The following PLSCR2 variants were observed in gnomAD, a reference collection of about 807,000 sequenced individuals.
PLSCR2 encodes PL scramblase 2.
A neutral mutation model predicts 25.3 loss-of-function variants in PLSCR2; 18 were observed. That is an observed-to-expected ratio of 0.71 (90% confidence interval 0.49 to 1.06). The LOEUF (loss-of-function observed/expected upper bound fraction) is 1.06, where lower values mean the gene tolerates loss of function less well. Ranked by LOEUF, PLSCR2 falls within the 50% of genes least tolerant of loss-of-function variation. The probability of loss-of-function intolerance (pLI) is 0.00; values close to 1 mark genes in which losing one functional copy is unlikely to be tolerated. For missense variants in PLSCR2, 243 were observed against 269.5 expected (o/e 0.90, Z 0.69); for synonymous variants, 88 against 87.3 (o/e 1.01, Z -0.04).
intron 2 of PLSCR2, among the ~76,000 whole-genome samples, chr3:146,412,776 G>C (rs887945696): frequency 2.6e-5 from 4 of 152,116 alleles, no homozygotes; most frequent in Non-Finnish European, 5.9e-5. Context: ...GGCTAGGGTT[G>C]GACCGCACAG....
chr3:146,490,498 T>G (rs139016225), intron 1 of PLSCR2, among the ~76,000 whole-genome samples: 1 of 152,296 alleles, frequency 6.6e-6, no homozygotes, highest in East Asian at 1.9e-4. Context: ...TATCTAAGTC[T>G]CTTTGCAGAA....
exon 1 of PLSCR2, chr3:146,460,392 G>C (rs2041497580): frequency 5.7e-6 from 1 of 175,912 alleles, no homozygotes; most frequent in African/African-American, 2.4e-5. Flanking sequence ...GATCTAAAGT[G>C]ATCTATATGA....
chr3:146,399,733 T>C (rs2038394758), intron 2 of PLSCR2, among the ~76,000 whole-genome samples: 1 of 151,248 alleles, frequency 6.6e-6, no homozygotes. Flanking sequence ...TCTCTCTCTC[T>C]CTTTTTTTTT....
chr3:146,430,680 C>A (rs2039514859), downstream of PLSCR2, among the ~76,000 whole-genome samples: 1 of 152,134 alleles, frequency 6.6e-6, no homozygotes, highest in Admixed American at 6.5e-5. Context: ...TGATTTTCTG[C>A]AATTTAACTG....
At chr3:146,486,823 G>A (rs1311714179) in intron 1 of PLSCR2, among the ~76,000 whole-genome samples, 1 of 152,086 alleles carries the variant, frequency 6.6e-6, no homozygotes, top group East Asian at 1.9e-4. Context: ...TTAGGAGGCA[G>A]CGTAACCCTG....
At chr3:146,427,449 G>A (rs538375927) in intron 2 of PLSCR2, among the ~76,000 whole-genome samples, 15 of 152,198 alleles carry the variant, frequency 9.9e-5, no homozygotes, top group Admixed American at 3.9e-4. Context: ...GAAAGAGCAT[G>A]GATAAGATGG....
intron 1 of PLSCR2, among the ~76,000 whole-genome samples, chr3:146,471,038 TG>T (rs1210655788): frequency 1.4e-4 from 1 of 7,124 alleles, no homozygotes; most frequent in Admixed American, 1.5e-3. Context: ...ACAGTGTTTT[TG>T]TTTTTTTGTT....
intron 1 of PLSCR2, among the ~76,000 whole-genome samples, chr3:146,483,283 G>C (rs2043194619): frequency 1.4e-5 from 2 of 145,968 alleles, no homozygotes; most frequent in Admixed American, 6.9e-5. Context: ...TGGTGAACGG[G>C]GGGTGGGGGG....
At chr3:146,493,424 T>C (rs1183617162) in intron 1 of PLSCR2, among the ~76,000 whole-genome samples, 1 of 152,176 alleles carries the variant, frequency 6.6e-6, no homozygotes, top group Non-Finnish European at 1.5e-5. Context: ...ATCAAAAAGC[T>C]AATCCATCAT....
intron 2 of PLSCR2, among the ~76,000 whole-genome samples, chr3:146,397,405 G>A (rs910291801): frequency 6.6e-6 from 1 of 152,026 alleles, no homozygotes; most frequent in Non-Finnish European, 1.5e-5. Context: ...TTTTGTACCT[G>A]AGATGAACAC....
intron 1 of PLSCR2, among the ~76,000 whole-genome samples, chr3:146,469,780 A>G (rs980185772): frequency 1.1e-5 from 1 of 93,354 alleles, no homozygotes; most frequent in Non-Finnish European, 2.3e-5. Flanking sequence ...GACTGCACCC[A>G]CCCCCCCACG....
chr3:146,464,123 A>G (rs1306321541), upstream of PLSCR2: 1 of 201,280 alleles, frequency 5.0e-6, no homozygotes, highest in Non-Finnish European at 8.8e-6. Flanking sequence ...TCAGAAGAGT[A>G]GAAATATTAA....
At chr3:146,487,359 A>G (rs2043384098) in intron 1 of PLSCR2, among the ~76,000 whole-genome samples, 1 of 152,186 alleles carries the variant, frequency 6.6e-6, no homozygotes, top group South Asian at 2.1e-4. Flanking sequence ...TCAAATAGGA[A>G]GAGAGGAAGT....
At chr3:146,432,770 C>T (rs1273869754), downstream of PLSCR2, among the ~76,000 whole-genome samples, 1 of 152,126 alleles carries the variant, frequency 6.6e-6, no homozygotes, top group Non-Finnish European at 1.5e-5. Context: ...AGTTAAGCCA[C>T]AGAAACTATT....
downstream of PLSCR2, among the ~76,000 whole-genome samples, chr3:146,438,257 T>C (rs375402936): frequency 9.2e-5 from 14 of 152,216 alleles, no homozygotes; most frequent in East Asian, 3.8e-4. Context: ...TCTGTTGATC[T>C]GGGGTGGAGA....
chr3:146,479,849 C>G (rs894779761), intron 1 of PLSCR2, among the ~76,000 whole-genome samples: 2 of 152,176 alleles, frequency 1.3e-5, no homozygotes, highest in Non-Finnish European at 2.9e-5. Flanking sequence ...AAGCACTCCT[C>G]TGCAAATGTA....
chr3:146,436,289 GT>G (rs1364776597), intron 8 of PLSCR2, among the ~76,000 whole-genome samples: 1 of 152,234 alleles, frequency 6.6e-6, no homozygotes. Flanking sequence ...CTTTAAAGTA[GT>G]TTTTTCCAAT....
At chr3:146,480,476 TA>T (rs2043090800) in intron 1 of PLSCR2, among the ~76,000 whole-genome samples, 1 of 152,012 alleles carries the variant, frequency 6.6e-6, no homozygotes, top group Admixed American at 6.6e-5. Flanking sequence ...GAAAATAAAC[TA>T]GAAAATCTAG....
intron 1 of PLSCR2, among the ~76,000 whole-genome samples, chr3:146,470,965 T>C (rs1576710191): frequency 6.6e-6 from 1 of 152,320 alleles, no homozygotes; most frequent in East Asian, 1.9e-4. Flanking sequence ...TAGAATGATG[T>C]TTGCCATAGA....
Sources: allele counts gnomAD v4.1 joint callset (sites outside exome capture counted in the v4.1 genomes callset), GRCh38; gene constraint gnomAD v4.1.1; transcripts MANE v1.5; gene names NCBI Gene and HGNC (gene_info 2026-07-23, HGNC 2026-07-21).